Variants in GABRB1 observed in about 807,000 individuals in gnomAD.
GABRB1 encodes the protein gamma-aminobutyric acid receptor subunit beta-1.
Under a neutral mutation model 51.6 loss-of-function variants are expected in GABRB1, and 17 were observed. That is an observed-to-expected ratio of 0.33 (90% CI 0.23 to 0.49). GABRB1 has a LOEUF of 0.49. Ranked by LOEUF, GABRB1 falls within the 20% of genes least tolerant of loss-of-function variation. The pLI is 0.99. For synonymous variants in GABRB1, 247 were observed against 218.9 expected, an observed-to-expected ratio of 1.13 and a Z score of -1.14; for missense variants, 410 against 600.6, an observed-to-expected ratio of 0.68 and a Z score of 3.32.
chr4:47,125,319 T>C (rs1236344288), intron 3 of GABRB1, among the ~76,000 whole-genome samples: 1 of 152,110 alleles, frequency 6.6e-6, no homozygotes, highest in African/African-American at 2.4e-5. Flanking sequence ...TGTTAAAAGA[T>C]GTTCTTCATA....
chr4:47,228,484 A>T (rs543193805), intron 4 of GABRB1, among the ~76,000 whole-genome samples: 7 of 152,226 alleles, frequency 4.6e-5, no homozygotes, highest in African/African-American at 1.7e-4. Context: ...GAAATGCAAG[A>T]TGTAATAATC....
chr4:47,397,071 G>T (rs1728201164), intron 5 of GABRB1, among the ~76,000 whole-genome samples: 2 of 151,972 alleles, frequency 1.3e-5, no homozygotes, highest in South Asian at 2.1e-4. Flanking sequence ...AATATGAACT[G>T]CAATTATTTT....
At chr4:46,997,051 A>G (rs1450789242) in intron 1 of GABRB1, among the ~76,000 whole-genome samples, 1 of 152,138 alleles carries the variant, frequency 6.6e-6, no homozygotes, top group African/African-American at 2.4e-5. Flanking sequence ...CGTATTTTGC[A>G]TAGGTGGGAA....
intron 3 of GABRB1, among the ~76,000 whole-genome samples, chr4:47,127,375 G>A (rs1431646217): frequency 2.0e-5 from 3 of 151,680 alleles, no homozygotes; most frequent in Non-Finnish European, 4.4e-5. Context: ...AAATTGTTTA[G>A]TATTGGAATA....
At chr4:47,377,555 A>G (rs780359385) in intron 5 of GABRB1, among the ~76,000 whole-genome samples, 3 of 151,908 alleles carry the variant, frequency 2.0e-5, no homozygotes, top group Non-Finnish European at 4.4e-5. Flanking sequence ...GCAAAAGAAC[A>G]AAGCTTCCAT....
chr4:47,195,394 TGATA>T (rs201594236), intron 4 of GABRB1, among the ~76,000 whole-genome samples: 6,093 of 91,854 alleles, frequency 0.066, 165 homozygotes, highest in Admixed American at 0.077. Context: ...GATAGATAGA[TGATA>T]GATAGATAGA....
At chr4:47,177,388 T>C (rs949125554) in intron 4 of GABRB1, among the ~76,000 whole-genome samples, 3 of 152,064 alleles carry the variant, frequency 2.0e-5, no homozygotes, top group African/African-American at 7.2e-5. Flanking sequence ...ACTACAGAAA[T>C]ATAACTCACC....
rs528615108 is a variant in GABRB1, at chr4:47,000,716, T to C, written c.-20+6790T>C. On this transcript the variant is annotated intron_variant, in intron 1 of 3. Coordinates refer to the GABRB1 transcript ENST00000513567. ...GATCTCTCTTCCCCCACCTCCCCCA[T>C]CTTACTTACTTAGCCAGCTTGGATT... Among the ~76,000 whole-genome samples, 8 of 152,290 alleles carry C rather than the reference T, an allele frequency of 5.3e-5. No individual in the cohort carries two copies. In the South Asian group the frequency reaches 1.4e-3, roughly 28 times the overall value.
At chr4:47,131,684 G>A (rs1157807685) in intron 3 of GABRB1, among the ~76,000 whole-genome samples, 1 of 152,132 alleles carries the variant, frequency 6.6e-6, no homozygotes, top group African/African-American at 2.4e-5. Flanking sequence ...ATGATGCAAT[G>A]TTACGATATG....
At chr4:47,204,149 T>C (rs1241513755) in intron 4 of GABRB1, among the ~76,000 whole-genome samples, 1 of 152,178 alleles carries the variant, frequency 6.6e-6, no homozygotes, top group East Asian at 1.9e-4. Context: ...TTAAATTATC[T>C]GGAACTGCTT....
At position 47,311,900 on chromosome 4, in the gene GABRB1, C is replaced by G. The variant is rs145412186; in HGVS notation, c.462-8227C>G. Among the ~76,000 whole-genome samples, 70 of 152,234 alleles carry G rather than the reference C, an allele frequency of 4.6e-4. 1 individual carries two copies. The highest frequency in any genetic ancestry group is 1.6e-3 in the African/African-American group (68 of 41,534). On this transcript the variant is annotated intron_variant, in intron 4 of 8. Transcript: ENST00000295454. ...AATGCCCTCCCCGAGATTGCTGAGG[C>G]TTTCCAAAGGGCTTATGTAATCTCT...
intron 1 of GABRB1, among the ~76,000 whole-genome samples, chr4:47,020,049 G>T (rs1436635632): frequency 6.6e-6 from 1 of 151,932 alleles, no homozygotes; most frequent in Non-Finnish European, 1.5e-5. Context: ...GCCTCCCAAA[G>T]TGCTGGGATT....
chr4:47,093,415 A>G (rs1714218867), intron 3 of GABRB1, among the ~76,000 whole-genome samples: 1 of 152,194 alleles, frequency 6.6e-6, no homozygotes, highest in African/African-American at 2.4e-5. Context: ...GTAATCAATG[A>G]GCAATGTTCT....
At chr4:47,109,156 G>C (rs990055706) in intron 3 of GABRB1, among the ~76,000 whole-genome samples, 2 of 152,086 alleles carry the variant, frequency 1.3e-5, no homozygotes, top group Non-Finnish European at 2.9e-5. Flanking sequence ...GATGCTTAAC[G>C]TGAATGTGGT....
intron 3 of GABRB1, among the ~76,000 whole-genome samples, chr4:47,084,342 C>A (rs1171387138): frequency 6.6e-6 from 1 of 152,170 alleles, no homozygotes; most frequent in East Asian, 1.9e-4. Context: ...AACTTATCAC[C>A]ACAGAATGGG....
At chr4:47,161,133 T>G in intron 3 of GABRB1, 116 bp from the exon 4 acceptor site, 1 of 702,332 alleles carries the variant, frequency 1.4e-6, no homozygotes, top group South Asian at 1.9e-5. Flanking sequence ...TACCTCTAGG[T>G]GCAAATTTTA....
At chr4:47,172,631 CTTTTTTTTTTTTTTT>C (rs71195611) in intron 4 of GABRB1, among the ~76,000 whole-genome samples, 1 of 65,800 alleles carries the variant, frequency 1.5e-5, no homozygotes, top group Admixed American at 2.4e-4. Context: ...TTAGATTTAA[CTTTTTTTTTTTTTTT>C]TTTTTTTTTT....
At chr4:47,224,392 G>C (rs1445928614) in intron 4 of GABRB1, among the ~76,000 whole-genome samples, 2 of 152,076 alleles carry the variant, frequency 1.3e-5, no homozygotes, top group East Asian at 3.9e-4. Flanking sequence ...CACTGCAATA[G>C]AGGAGAGAGA....
chr4:47,198,874 T>C (rs1396310728), intron 4 of GABRB1, among the ~76,000 whole-genome samples: 2 of 152,108 alleles, frequency 1.3e-5, no homozygotes, highest in African/African-American at 2.4e-5. Flanking sequence ...GAAAGGCAGA[T>C]CTTACATGGT....
Sources: gnomAD v4.1 joint callset for allele counts (sites outside exome capture counted in the v4.1 genomes callset) on GRCh38, gnomAD v4.1.1 for gene constraint, MANE v1.5 for transcripts, NCBI Gene and HGNC (gene_info 2026-07-23, HGNC 2026-07-21) for gene names.